GPRIN3: variants seen among roughly 807,000 people sequenced by gnomAD.
The protein encoded by GPRIN3 is G protein-regulated inducer of neurite outgrowth 3.
Under a neutral mutation model 13.7 loss-of-function variants are expected in GPRIN3, and 12 were observed. The observed-to-expected ratio is 0.87, with a 90% CI of 0.56 to 1.42. GPRIN3 has a LOEUF of 1.42. Among genes scored for constraint, GPRIN3 ranks in the 40% most tolerant of loss-of-function variants. GPRIN3 has a pLI of 0.00. For synonymous variants in GPRIN3, 377 were observed against 372.7 expected (o/e 1.01, Z -0.13); for missense variants, 1,009 against 958.7 (o/e 1.05, Z -0.69).
chr4:89,284,311 C>T (rs1036707848), intron 1 of GPRIN3, among the ~76,000 whole-genome samples: 6 of 152,158 alleles, frequency 3.9e-5, no homozygotes, highest in Non-Finnish European at 7.3e-5. Flanking sequence ...GAATTACTGT[C>T]CCTTACCTTC....
At chr4:89,273,373 A>G (rs750792265) in intron 1 of GPRIN3, among the ~76,000 whole-genome samples, 1 of 152,226 alleles carries the variant, frequency 6.6e-6, no homozygotes, top group Non-Finnish European at 1.5e-5. Context: ...TTGCTAGAAC[A>G]TAAACTAATG....
At position 89,249,754 on chromosome 4, in the gene GPRIN3, C is replaced by G. The variant is rs1723265098; in HGVS notation, c.357G>C (p.Arg119Ser). 1.2e-6 allele frequency: 2 copies of G among 1,614,028 alleles called. No homozygotes were observed. Among genetic ancestry groups the G allele is most frequent in the Non-Finnish European group, 1.7e-6 (2 of 1,180,024 alleles). The stretch of plus-strand genomic sequence containing the variant: ...TTGTCAATGGTGTGTGTATAAGATC[C>G]CTTCCTGCTGCAGAACTCGGGGCTG... Reference protein sequence around the residue: ...AASAPSSAAGRDLIHTPLTMP... With the variant: ...AASAPSSAAGSDLIHTPLTMP... Residue 119 changes from arginine (R) to serine (S), a missense_variant, in exon 2 of 2, where the codon AGG becomes AGC. Arg to Ser is a moderately radical substitution (Grantham distance 110). Transcript: ENST00000609438.
intron 1 of GPRIN3, among the ~76,000 whole-genome samples, chr4:89,279,848 A>G (rs1245401423): frequency 2.0e-5 from 3 of 151,854 alleles, no homozygotes; most frequent in Non-Finnish European, 1.5e-5. Flanking sequence ...TGTTCTTCTC[A>G]CTCTATACAC....
At chr4:89,252,415 C>T (rs1487264728) in intron 1 of GPRIN3, among the ~76,000 whole-genome samples, 1 of 152,124 alleles carries the variant, frequency 6.6e-6, no homozygotes, top group Non-Finnish European at 1.5e-5. Flanking sequence ...TCTTTCTGAA[C>T]CCCAAATTAA....
intron 1 of GPRIN3, among the ~76,000 whole-genome samples, chr4:89,295,315 G>A (rs989385863): frequency 6.6e-6 from 1 of 151,838 alleles, no homozygotes; most frequent in Non-Finnish European, 1.5e-5. Context: ...TCTCTTATTT[G>A]TCCAAGATCT....
chr4:89,301,013 A>T (rs1440630327), intron 1 of GPRIN3, among the ~76,000 whole-genome samples: 1 of 152,236 alleles, frequency 6.6e-6, no homozygotes, highest in Non-Finnish European at 1.5e-5. Context: ...ATGCTTAATT[A>T]ACAATATGAC....
At chr4:89,260,947 T>A (rs1388979783) in intron 1 of GPRIN3, among the ~76,000 whole-genome samples, 2 of 152,216 alleles carry the variant, frequency 1.3e-5, no homozygotes, top group Non-Finnish European at 2.9e-5. Flanking sequence ...GACACACTTA[T>A]GTCTCTGAGG....
In GPRIN3 at chr4:89,248,688, C is replaced by T. The variant is rs775620597; in HGVS notation, c.1423G>A (p.Ala475Thr). The T allele has an allele frequency of 1.9e-6, 3 of 1,614,056 alleles. No homozygotes were observed. The East Asian group carries it at 6.7e-5, about 36-fold the overall frequency. The stretch of plus-strand genomic sequence containing the variant: ...TAACTTGTTTCAGCTTGACTGCATG[C>T]ACTGATAGAAATCTGGTCAATGGCG... ...ATAIDQISIS[A>T]CSQAETSYGL... Residue 475 changes from alanine to threonine, a missense_variant, in exon 2 of 2, where the codon GCA (alanine) becomes ACA (threonine). Transcript: ENST00000609438.
rs1230660465 is a variant in GPRIN3, at chr4:89,245,420, T to G, written c.*2360A>C. 1 of 152,268 alleles carries G rather than the reference T, an allele frequency of 6.6e-6. No homozygotes were observed. The highest frequency in any genetic ancestry group is 1.5e-5 in the Non-Finnish European group (1 of 68,048). The allele number at this position is 152,268 out of a possible 1,614,324, so 9.4% of individuals were successfully genotyped here. On this transcript the variant is annotated 3_prime_UTR_variant, in exon 2 of 2. Coordinates refer to ENST00000609438, the MANE Select transcript of GPRIN3 (RefSeq NM_198281.3). ...AATAGCAAATCTAGCAATTTTAATG[T>G]ATTTAATGTGAGACAAATGCCAACA...
intron 1 of GPRIN3, among the ~76,000 whole-genome samples, chr4:89,289,905 C>T (rs551288400): frequency 1.3e-5 from 2 of 152,184 alleles, no homozygotes; most frequent in South Asian, 4.2e-4. Context: ...GTTCAAATCA[C>T]TTAACCTGGC....
chr4:89,286,841 T>C (rs1342629642), intron 1 of GPRIN3, among the ~76,000 whole-genome samples: 1 of 152,154 alleles, frequency 6.6e-6, no homozygotes, highest in Non-Finnish European at 1.5e-5. Flanking sequence ...ATTCTACTAC[T>C]CCAGCTGGAC....
At chr4:89,307,466 C>T (rs1725065625) in intron 1 of GPRIN3, 149 bp downstream of exon 1, 1 of 152,310 alleles carries the variant, frequency 6.6e-6, no homozygotes, top group African/African-American at 2.4e-5. Context: ...TCCTAGAGCG[C>T]AGGATGGGAC....
Position 89,241,977 on chromosome 4 carries a change from C to T in GPRIN3, c.*5803G>A, listed in dbSNP as rs1447524997. ...TCAAAAAGCAAGCTATAATTTTCAC[C>T]CCAGAAATAAATGAATGACATCTCC... On this transcript the variant is annotated 3_prime_UTR_variant, in exon 2 of 2. Transcript: ENST00000609438. 6.6e-6 allele frequency: 1 copy of T among 152,050 alleles called. No homozygotes were observed. The highest frequency in any genetic ancestry group is 6.6e-5 in the Admixed American group (1 of 15,254). 9.4% of individuals were successfully genotyped at this position (152,050 alleles called of 1,614,324 possible). A position where few individuals can be genotyped will look rare whatever the true frequency, so the allele number is the denominator to read the frequency against.
chr4:89,263,523 A>G (rs1301113129), intron 1 of GPRIN3, among the ~76,000 whole-genome samples: 1 of 152,176 alleles, frequency 6.6e-6, no homozygotes, highest in Non-Finnish European at 1.5e-5. Context: ...GAAGCACTGT[A>G]GCAGGGACTC....
chr4:89,295,572 G>A (rs535008501), intron 1 of GPRIN3, among the ~76,000 whole-genome samples: 6 of 152,116 alleles, frequency 3.9e-5, no homozygotes, highest in Admixed American at 3.9e-4. Flanking sequence ...ACAAGGGCCC[G>A]TTTGGGTTCC....
chr4:89,243,557 T>C lies in GPRIN3; in HGVS notation c.*4223A>G, dbSNP rs1468325448. ...GGATGTTTGACTTCTGATTTCACCA[T>C]GTACACAAAAACAGAGTGGGAATAA... On this transcript the variant is annotated 3_prime_UTR_variant, in exon 2 of 2. Transcript: ENST00000609438. 1 of 152,168 alleles carries C rather than the reference T, an allele frequency of 6.6e-6. No homozygotes were observed. The highest frequency in any genetic ancestry group is 1.5e-5 in the Non-Finnish European group (1 of 68,028). The allele number at this position is 152,168 out of a possible 1,614,324, so 9.4% of individuals were successfully genotyped here.
intron 1 of GPRIN3, among the ~76,000 whole-genome samples, chr4:89,278,491 A>G (rs1013057036): frequency 2.6e-5 from 4 of 152,242 alleles, no homozygotes; most frequent in African/African-American, 7.2e-5. Flanking sequence ...CAAGTTCAGT[A>G]CAATAAAATG....
chr4:89,248,220 TG>T lies in GPRIN3; in HGVS notation c.1890del (p.Ser631AlafsTer17), dbSNP rs769320694. ...GKKTPSRSVKASPRRPSRVSE... is the reference protein window; with the variant it reads ...GKKTPSRSVKXSPRRPSRVSE... The stretch of plus-strand genomic sequence containing the variant: ...CTGACGCGGCTGGGCCTGCGTGGGC[TG>T]GCTTTGACGGAGCGAGATGGGGTCT... On this transcript the variant is annotated frameshift_variant, in exon 2 of 2. Coordinates refer to ENST00000609438, the MANE Select transcript of GPRIN3 (RefSeq NM_198281.3). LOFTEE classifies it high-confidence loss of function. 6.2e-7 allele frequency: 1 copy of T among 1,614,216 alleles called. No individual in the cohort carries two copies. Among genetic ancestry groups the T allele is most frequent in the Non-Finnish European group, 8.5e-7 (1 of 1,180,024 alleles).
rs184897571 is a variant in GPRIN3, at chr4:89,241,749, G to A, written c.*6031C>T. 1 of 152,208 alleles carries A rather than the reference G, an allele frequency of 6.6e-6. No homozygotes were observed. Among genetic ancestry groups the A allele is most frequent in the Non-Finnish European group, 1.5e-5 (1 of 67,990 alleles). The allele number at this position is 152,208 out of a possible 1,614,324, so 9.4% of individuals were successfully genotyped here. On this transcript the variant is annotated 3_prime_UTR_variant, in exon 2 of 2. Coordinates refer to ENST00000609438, the MANE Select transcript of GPRIN3 (RefSeq NM_198281.3). ...AGATGTGATCTAAAATAAATGTTAA[G>A]GAATCTCAACTAAAATCATCAAGGA...
Sources: gnomAD v4.1 joint callset for allele counts (sites outside exome capture counted in the v4.1 genomes callset) on GRCh38, gnomAD v4.1.1 for gene constraint, MANE v1.5 for transcripts, NCBI Gene and HGNC (gene_info 2026-07-23, HGNC 2026-07-21) for gene names.